CMTM6: variants seen among roughly 807,000 people sequenced by gnomAD.
CMTM6 encodes the protein CKLF like MARVEL transmembrane domain containing 6, also known as CKLF-like MARVEL transmembrane domain-containing protein 6.
In CMTM6, 5 loss-of-function variants were observed where a neutral mutation model predicts 13.6. The ratio of observed to expected loss-of-function variants is 0.37; its 90% CI spans 0.19 to 0.77. CMTM6 has a LOEUF of 0.77. Among genes scored for constraint, CMTM6 ranks in the 30% least tolerant of loss-of-function variants. The pLI, the probability that CMTM6 is intolerant of heterozygous loss-of-function variation, is 0.50. For missense variants in CMTM6, 196 were observed against 218.6 expected (o/e 0.90, Z 0.65); for synonymous variants, 99 against 84.5 (o/e 1.17, Z -0.94).
At chr3:32,496,509 A>C (rs970899455) in intron 1 of CMTM6, among the ~76,000 whole-genome samples, 4 of 152,258 alleles carry the variant, frequency 2.6e-5, no homozygotes, top group Admixed American at 1.3e-4. Context: ...TTGCTAGCTC[A>C]AAGTGTACTT....
chr3:32,501,033 C>CA (rs36111581), intron 1 of CMTM6, among the ~76,000 whole-genome samples: 9,015 of 124,932 alleles, frequency 0.072, 299 homozygotes, highest in Middle Eastern at 0.084. Flanking sequence ...CCGTCTCTAC[C>CA]AAAAAAAAAA....
Position 32,502,694 on chromosome 3 carries a change from CG to C in CMTM6, c.51del (p.Ala18ProfsTer57). 4 of 1,584,448 alleles carry C rather than the reference CG, an allele frequency of 2.5e-6. No individual in the cohort carries two copies. The highest frequency in any genetic ancestry group is 3.4e-6 in the Non-Finnish European group (4 of 1,167,842). On this transcript the variant is annotated frameshift_variant, in exon 1 of 4. Coordinates refer to ENST00000205636, the MANE Select transcript of CMTM6 (RefSeq NM_017801.3). LOFTEE classifies it high-confidence loss of function. ...YSPTTEEDPG[P>X]ARGPRSGLAA... ...GCGAGGCCGCTCCGGGGGCCTCTGG[CG>C]GGGCCCGGGTCCTCCTCCGTAGTGG... is the stretch of plus-strand genomic sequence containing the variant.
Position 32,482,715 on chromosome 3 carries a change from A to ATTTT in CMTM6, c.*1244_*1245insAAAA, listed in dbSNP as rs1697165896. The ATTTT allele has an allele frequency of 1.1e-5, 1 of 90,800 alleles. No homozygotes were observed. Among genetic ancestry groups the ATTTT allele is most frequent in the Non-Finnish European group, 2.2e-5 (1 of 46,012 alleles). 5.6% of individuals were successfully genotyped at this position (90,800 alleles called of 1,614,324 possible). On this transcript the variant is annotated 3_prime_UTR_variant, in exon 4 of 4. Transcript: ENST00000205636. The stretch of plus-strand genomic sequence containing the variant: ...TCTGGGCAGGGTTCCCTGGATATTT[A>ATTTT]CTTTTTTTTTTTTTTTTTTTTGCCA...
intron 3 of CMTM6, among the ~76,000 whole-genome samples, chr3:32,486,353 T>C (rs905541017): frequency 1.3e-5 from 2 of 152,238 alleles, no homozygotes; most frequent in African/African-American, 2.4e-5. Flanking sequence ...CTCAAGGTTT[T>C]CATGATTCAC....
At chr3:32,501,092 C>G (rs1250650497) in intron 1 of CMTM6, among the ~76,000 whole-genome samples, 2 of 146,714 alleles carry the variant, frequency 1.4e-5, no homozygotes, top group African/African-American at 5.0e-5. Flanking sequence ...CCCAACTACT[C>G]GGCACGAGAA....
chr3:32,489,910 G>A (rs971449662), intron 2 of CMTM6, among the ~76,000 whole-genome samples: 7 of 152,036 alleles, frequency 4.6e-5, no homozygotes, highest in Admixed American at 6.6e-5. Flanking sequence ...AAATGTAAAC[G>A]TCCCAAAAAT....
chr3:32,488,628 A>C (rs904623551), intron 2 of CMTM6, among the ~76,000 whole-genome samples: 4 of 152,236 alleles, frequency 2.6e-5, no homozygotes, highest in Non-Finnish European at 5.9e-5. Flanking sequence ...ATTAAATAGA[A>C]GTATGCCAAT....
chr3:32,495,147 C>T (rs188208025), intron 1 of CMTM6, among the ~76,000 whole-genome samples: 11 of 152,188 alleles, frequency 7.2e-5, no homozygotes, highest in African/African-American at 2.7e-4. Flanking sequence ...AAAATGTATA[C>T]ATCCCCACAA....
intron 3 of CMTM6, chr3:32,487,712 GGAGT>G (rs1697217494): frequency 2.5e-6 from 1 of 396,762 alleles, no homozygotes; most frequent in African/African-American, 2.0e-5. Context: ...CACGGTATGT[GGAGT>G]AAGTGGATTT....
intron 2 of CMTM6, among the ~76,000 whole-genome samples, chr3:32,491,369 G>A (rs565667676): frequency 1.3e-4 from 20 of 152,214 alleles, no homozygotes; most frequent in African/African-American, 4.8e-4. Flanking sequence ...ATATAATAAA[G>A]GCACACAATT....
chr3:32,491,868 AGGC>A lies in CMTM6; in HGVS notation c.154_156del (p.Ala52del). 2 of 1,606,372 alleles carry A rather than the reference AGGC, an allele frequency of 1.2e-6. No homozygotes were observed. The highest frequency in any genetic ancestry group is 1.7e-6 in the Non-Finnish European group (2 of 1,177,796). On this transcript the variant is annotated inframe_deletion, in exon 2 of 4. Transcript: ENST00000205636. Reference sequence around the variant, plus strand: ...TGTGATACAACTTCTTCACAGATGAAGGCCAGCAGAGACAGCAACTACAAATGA... The same window carrying A: ...TGTGATACAACTTCTTCACAGATGAACAGCAGAGACAGCAACTACAAATGA...
At chr3:32,494,132 T>C (rs530160282) in intron 1 of CMTM6, among the ~76,000 whole-genome samples, 40 of 152,250 alleles carry the variant, frequency 2.6e-4, no homozygotes, top group Non-Finnish European at 4.1e-4. Context: ...TCTCTAAAGA[T>C]AGGATTCAGG....
rs1310157192 is a variant in CMTM6 at position 32,481,315 on chromosome 3, G to A, written c.*2645C>T. 1.3e-5 allele frequency: 2 copies of A among 151,196 alleles called. No individual in the cohort carries two copies. The highest frequency in any genetic ancestry group is 2.4e-5 in the African/African-American group (1 of 41,078). The allele number at this position is 151,196 out of a possible 1,614,324, so 9.4% of individuals were successfully genotyped here. Reference sequence around the variant, plus strand: ...AATAAACACTTACAAAGGTAAGAACGTTTTAATTAAATGGATTTATTTAAA... The same window carrying A: ...AATAAACACTTACAAAGGTAAGAACATTTTAATTAAATGGATTTATTTAAA... On this transcript the variant is annotated 3_prime_UTR_variant, in exon 4 of 4. Transcript: ENST00000205636.
chr3:32,489,574 C>T (rs1239434448), intron 2 of CMTM6, among the ~76,000 whole-genome samples: 1 of 151,566 alleles, frequency 6.6e-6, no homozygotes, highest in Non-Finnish European at 1.5e-5. Flanking sequence ...TCACTTAAAC[C>T]CAGGAAGCAC....
intron 3 of CMTM6, among the ~76,000 whole-genome samples, chr3:32,485,219 C>CTT (rs1431925576): frequency 6.7e-6 from 1 of 149,844 alleles, no homozygotes; most frequent in Non-Finnish European, 1.5e-5. Context: ...TGTTCACACA[C>CTT]TTCTGAATTA....
At chr3:32,493,908 A>G (rs1384673175) in intron 1 of CMTM6, among the ~76,000 whole-genome samples, 1 of 152,180 alleles carries the variant, frequency 6.6e-6, no homozygotes, top group African/African-American at 2.4e-5. Flanking sequence ...AAGCTCGATT[A>G]CAATACTGTA....
At chr3:32,488,944 T>C (rs1476860898) in intron 2 of CMTM6, among the ~76,000 whole-genome samples, 1 of 152,128 alleles carries the variant, frequency 6.6e-6, no homozygotes, top group Admixed American at 6.5e-5. Flanking sequence ...CTTTTTGAGT[T>C]TTCTGAACTG....
chr3:32,502,737 G>A lies in CMTM6; in HGVS notation c.9C>T (p.Asn3=). The A allele has an allele frequency of 6.7e-7, 1 of 1,481,842 alleles. No individual in the cohort carries two copies. Among genetic ancestry groups the A allele is most frequent in the Non-Finnish European group, 9.0e-7 (1 of 1,116,752 alleles). 91.8% of individuals were successfully genotyped at this position (1,481,842 alleles called of 1,614,324 possible). ME[N]GAVYSPTTEE... ...CCGTAGTGGGGCTGTACACCGCTCCGTTCTCCATCGCCTCGGGCCGGGGAG... is the reference window on the plus strand; with the variant it reads ...CCGTAGTGGGGCTGTACACCGCTCCATTCTCCATCGCCTCGGGCCGGGGAG... Residue 3 remains asparagine, a synonymous_variant, in exon 1 of 4, where the codon AAC becomes AAT. Coordinates refer to ENST00000205636, the MANE Select transcript of CMTM6 (RefSeq NM_017801.3).
intron 1 of CMTM6, among the ~76,000 whole-genome samples, chr3:32,496,990 G>A (rs1301582938): frequency 6.6e-6 from 1 of 152,100 alleles, no homozygotes; most frequent in Non-Finnish European, 1.5e-5. Flanking sequence ...GAGGAACAGA[G>A]GATTGGGTGG....
Sources: gnomAD v4.1 joint callset for allele counts (sites outside exome capture counted in the v4.1 genomes callset) on GRCh38, gnomAD v4.1.1 for gene constraint, MANE v1.5 for transcripts, NCBI Gene and HGNC (gene_info 2026-07-23, HGNC 2026-07-21) for gene names.